The following PSD3 variants were observed in gnomAD, a reference collection of about 807,000 sequenced individuals.
The protein encoded by PSD3 is pleckstrin and Sec7 domain containing 3, also known as PH and SEC7 domain-containing protein 3.
PSD3 carries 49 observed loss-of-function variants against 105.5 expected under a neutral mutation model. The observed-to-expected ratio is 0.46, with a 90% CI of 0.37 to 0.59. PSD3 has a LOEUF of 0.59. Ranked by LOEUF, PSD3 falls within the 20% of genes least tolerant of loss-of-function variation. PSD3 has a pLI of 0.00. For missense variants in PSD3, 1,561 were observed against 1,263.8 expected, an observed-to-expected ratio of 1.24 and a Z score of -3.57; for synonymous variants, 557 against 457.8, an observed-to-expected ratio of 1.22 and a Z score of -2.77.
chr8:18,666,734 G>C (rs997319274), intron 9 of PSD3, among the ~76,000 whole-genome samples: 1 of 149,638 alleles, frequency 6.7e-6, no homozygotes, highest in African/African-American at 2.5e-5. Flanking sequence ...TGGGGGGTGG[G>C]GGGAAGTAGC....
intron 1 of PSD3, among the ~76,000 whole-genome samples, chr8:18,942,569 T>C (rs137903352): frequency 2.0e-4 from 30 of 152,298 alleles, no homozygotes; most frequent in Admixed American, 7.8e-4. Context: ...AAAGAGATAA[T>C]TAGGTTAAAA....
At chr8:18,911,633 G>A (rs899983464) in intron 2 of PSD3, among the ~76,000 whole-genome samples, 25 of 152,114 alleles carry the variant, frequency 1.6e-4, no homozygotes, top group Admixed American at 1.2e-3. Flanking sequence ...ATGTAAGAGC[G>A]TTCACTTCTG....
chr8:18,876,049 T>C (rs1215124370), intron 2 of PSD3, among the ~76,000 whole-genome samples: 1 of 152,198 alleles, frequency 6.6e-6, no homozygotes, highest in Non-Finnish European at 1.5e-5. Flanking sequence ...TCAGGTGTAC[T>C]CATGTCATAT....
chr8:18,735,963 T>A (rs10094957), intron 9 of PSD3, among the ~76,000 whole-genome samples: 11,990 of 152,160 alleles, frequency 0.079, 1,077 homozygotes, highest in East Asian at 0.25. Flanking sequence ...TTTTTATGGA[T>A]CTAACTATAA....
chr8:18,532,863 A>C lies in PSD3; in HGVS notation c.*2880T>G, dbSNP rs1799689433. ...TTTGCAACAACACTATGACCAAGGCATTCTGATAGCTGTCAAGATTTTCTG... is the reference window on the plus strand; with the variant it reads ...TTTGCAACAACACTATGACCAAGGCCTTCTGATAGCTGTCAAGATTTTCTG... On this transcript the variant is annotated 3_prime_UTR_variant, in exon 16 of 16. Transcript: ENST00000327040. 3 of 152,216 alleles carry C rather than the reference A, an allele frequency of 2.0e-5. No homozygotes were observed. The highest frequency in any genetic ancestry group is 1.3e-4 in the Admixed American group (2 of 15,272). 9.4% of individuals were successfully genotyped at this position (152,216 alleles called of 1,614,324 possible).
chr8:18,905,346 C>T (rs530798441), intron 2 of PSD3, among the ~76,000 whole-genome samples: 6 of 152,292 alleles, frequency 3.9e-5, no homozygotes, highest in East Asian at 1.9e-4. Flanking sequence ...TTGTTTGAGA[C>T]GGAGTCTTGC....
intron 1 of PSD3, among the ~76,000 whole-genome samples, chr8:19,065,189 A>G (rs184406140): frequency 1.7e-3 from 255 of 152,240 alleles, no homozygotes; most frequent in African/African-American, 5.8e-3. Flanking sequence ...TTTTCTGCCT[A>G]TAAAACTCTG....
chr8:18,587,038 G>C (rs1274197531), intron 12 of PSD3, among the ~76,000 whole-genome samples: 1 of 152,144 alleles, frequency 6.6e-6, no homozygotes, highest in Non-Finnish European at 1.5e-5. Context: ...CACTAACTTT[G>C]GGCCAGGGCT....
chr8:18,558,170 G>A (rs1377288029), intron 14 of PSD3, among the ~76,000 whole-genome samples: 1 of 152,182 alleles, frequency 6.6e-6, no homozygotes, highest in Non-Finnish European at 1.5e-5. Flanking sequence ...AATCTATAGT[G>A]TTTTGTTATG....
At position 18,967,274 on chromosome 8, in the gene PSD3, G is replaced by A. The variant is rs1402107476; in HGVS notation, c.22-31132C>T. 1.0e-3 allele frequency among the ~76,000 whole-genome samples: 155 copies of A among 151,880 alleles called. 2 individuals are homozygous for A. The highest frequency in any genetic ancestry group is 8.8e-5 in the Non-Finnish European group (6 of 67,982). On this transcript the variant is annotated intron_variant, in intron 1 of 15. Coordinates refer to ENST00000327040, the MANE Select transcript of PSD3 (RefSeq NM_015310.4). Reference sequence around the variant, plus strand: ...AGGTTCAAGTGATTCTCCCGCTTCTGCCTCCCGAATAGCTGGGATTACAGG... The same window carrying A: ...AGGTTCAAGTGATTCTCCCGCTTCTACCTCCCGAATAGCTGGGATTACAGG...
chr8:18,840,693 C>G (rs536459937), intron 4 of PSD3, among the ~76,000 whole-genome samples: 1 of 152,158 alleles, frequency 6.6e-6, no homozygotes, highest in African/African-American at 2.4e-5. Flanking sequence ...TGTATCCAGG[C>G]AGTCTGACTT....
intron 11 of PSD3, among the ~76,000 whole-genome samples, chr8:18,618,141 A>G (rs899739759): frequency 1.3e-5 from 2 of 152,202 alleles, no homozygotes; most frequent in South Asian, 4.1e-4. Flanking sequence ...TGCTGACTAT[A>G]ACTCTTCAGA....
At chr8:18,575,320 T>G (rs1270440688) in intron 12 of PSD3, 35 bp from the exon 13 acceptor site, 1 of 1,512,394 alleles carries the variant, frequency 6.6e-7, no homozygotes, top group East Asian at 2.4e-5. Context: ...AAGGCAAAAA[T>G]CACGATCAGA....
intron 2 of PSD3, among the ~76,000 whole-genome samples, chr8:18,917,133 C>A (rs1385454801): frequency 3.9e-5 from 6 of 152,196 alleles, no homozygotes; most frequent in Non-Finnish European, 8.8e-5. Context: ...ACCTTCTTTT[C>A]TTCCCGTATC....
intron 10 of PSD3, among the ~76,000 whole-genome samples, chr8:18,633,827 A>C (rs574505808): frequency 1.3e-5 from 2 of 152,180 alleles, no homozygotes; most frequent in East Asian, 3.9e-4. Flanking sequence ...GTACTCTAAC[A>C]AAGTACTTAA....
intron 9 of PSD3, among the ~76,000 whole-genome samples, chr8:18,754,868 A>C (rs1411164380): frequency 6.6e-6 from 1 of 152,098 alleles, no homozygotes; most frequent in African/African-American, 2.4e-5. Context: ...TTTAAAATAA[A>C]ATTTGTTTTT....
At chr8:18,876,874 G>A (rs1363614347) in intron 2 of PSD3, among the ~76,000 whole-genome samples, 1 of 152,120 alleles carries the variant, frequency 6.6e-6, no homozygotes, top group African/African-American at 2.4e-5. Flanking sequence ...TATTGTTACA[G>A]ACATCCTAGA....
chr8:19,013,738 C>A (rs940206926), upstream of PSD3: 1 of 501,262 alleles, frequency 2.0e-6, no homozygotes, highest in African/African-American at 2.1e-5. Context: ...CTGGCGGAGG[C>A]TGGCGAGGCT....
chr8:18,774,540 G>A (rs572669778), intron 8 of PSD3: 7 of 257,592 alleles, frequency 2.7e-5, no homozygotes, highest in South Asian at 1.8e-4. Flanking sequence ...TTTTGACTCA[G>A]CAATGTTCAT....
Sources: gnomAD v4.1 joint callset for allele counts (sites outside exome capture counted in the v4.1 genomes callset) on GRCh38, gnomAD v4.1.1 for gene constraint, MANE v1.5 for transcripts, NCBI Gene and HGNC (gene_info 2026-07-23, HGNC 2026-07-21) for gene names.